The following DLX3 variants were observed in gnomAD, a reference collection of about 807,000 sequenced individuals.
DLX3 encodes homeobox protein DLX-3.
Under a neutral mutation model 28.0 loss-of-function variants are expected in DLX3, and 9 were observed. The observed-to-expected ratio is 0.32, with a 90% confidence interval of 0.19 to 0.56. The LOEUF is 0.56. Among genes scored for constraint, DLX3 ranks in the 20% least tolerant of loss-of-function variants. The pLI, the probability that DLX3 is intolerant of heterozygous loss-of-function variation, is 0.91. For missense variants in DLX3, 313 were observed against 378.2 expected (o/e 0.83, Z 1.43); for synonymous variants, 154 against 167.9 (o/e 0.92, Z 0.64).
rs909460275 is a variant in DLX3, at chr17:49,990,663, G to T, written c.*854C>A. The T allele has an allele frequency of 6.6e-6, 1 of 152,634 alleles. No homozygotes were observed. The highest frequency in any genetic ancestry group is 2.4e-5 in the African/African-American group (1 of 41,428). The allele number at this position is 152,634 out of a possible 1,614,324, so 9.5% of individuals were successfully genotyped here. ...GGAGGAGTAGAGAAGGTGAGGTGGG[G>T]GCAGGGACAGAACAGAGGCACCCTT... On this transcript the variant is annotated 3_prime_UTR_variant, in exon 3 of 3. Coordinates refer to ENST00000434704, the MANE Select transcript of DLX3 (RefSeq NM_005220.3).
chr17:49,994,423 C>G (rs1254107405), intron 1 of DLX3, among the ~76,000 whole-genome samples: 2 of 152,216 alleles, frequency 1.3e-5, no homozygotes, highest in African/African-American at 2.4e-5. Flanking sequence ...CAGCCTTCCC[C>G]TTCCTCTCTC....
At position 49,990,075 on chromosome 17, in the gene DLX3, G is replaced by A. The variant is rs3803876; in HGVS notation, c.*1442C>T. 109,065 of 152,324 alleles carry A rather than the reference G, an allele frequency of 0.72. 41,417 individuals are homozygous for A. The highest frequency in any genetic ancestry group is 0.84 in the Non-Finnish European group (56,964 of 67,952). 9.4% of individuals were successfully genotyped at this position (152,324 alleles called of 1,614,324 possible). A position where few individuals can be genotyped will look rare whatever the true frequency, so the allele number is the denominator to read the frequency against. On this transcript the variant is annotated 3_prime_UTR_variant, in exon 3 of 3. Coordinates refer to ENST00000434704, the MANE Select transcript of DLX3 (RefSeq NM_005220.3). ...GTAAGAAAGCAGAAATGAGAAGGCTGGGAGGGGGTGGGAGATGGCTTTGCT... is the reference window on the plus strand; with the variant it reads ...GTAAGAAAGCAGAAATGAGAAGGCTAGGAGGGGGTGGGAGATGGCTTTGCT...
chr17:49,994,000 TA>T (rs1030037331), intron 1 of DLX3, among the ~76,000 whole-genome samples: 10 of 152,034 alleles, frequency 6.6e-5, no homozygotes, highest in African/African-American at 2.2e-4. Context: ...CCCCGCCCTT[TA>T]AAAAAGTTTC....
rs770481584 is a variant in DLX3 at position 49,991,634 on chromosome 17, G to A, written c.747C>T (p.Asn249=). 1 of 1,613,858 alleles carries A rather than the reference G, an allele frequency of 6.2e-7. No homozygotes were observed. The highest frequency in any genetic ancestry group is 8.5e-7 in the Non-Finnish European group (1 of 1,180,018). ...ASPSYLDDPT[N]SWYHAQNLSG... ...TCAGGTTCTGTGCGTGATACCAGGA[G>A]TTGGTGGGGTCGTCCAGGTAGCTGG... Residue 249 remains asparagine (N), a synonymous_variant, in exon 3 of 3, where the codon AAC becomes AAT. Coordinates refer to ENST00000434704, the MANE Select transcript of DLX3 (RefSeq NM_005220.3).
In DLX3 at chr17:49,994,935, A is replaced by C; in HGVS notation, c.64T>G (p.Cys22Gly). 6.2e-7 allele frequency: 1 copy of C among 1,613,944 alleles called. No individual in the cohort carries two copies. The highest frequency in any genetic ancestry group is 8.5e-7 in the Non-Finnish European group (1 of 1,180,040). Residue 22 changes from cysteine to glycine, a missense_variant, in exon 1 of 3, where the codon TGC becomes GGC. Transcript: ENST00000434704. ...ILTDISSSLSCHAGSKDSPTL... is the reference protein window; with the variant it reads ...ILTDISSSLSGHAGSKDSPTL... ...GGCGAGTCCTTGGAGCCCGCATGGC[A>C]GCTAAGGGAGCTGGAGATGTCGGTG...
chr17:49,991,821 A>C lies in DLX3; in HGVS notation c.560T>G (p.Leu187Arg). 1.2e-6 allele frequency: 2 copies of C among 1,614,016 alleles called. No individual in the cohort carries two copies. Among genetic ancestry groups the C allele is most frequent in the Non-Finnish European group, 1.7e-6 (2 of 1,180,008 alleles). Residue 187 changes from leucine to arginine, a missense_variant, in exon 3 of 3, where the codon CTC (leucine) becomes CGC (arginine). Leu to Arg is a moderately radical substitution (Grantham distance 102). Transcript: ENST00000434704. ...CAGCGGCACCTCCCCGTTCTTGTAGAGTTTCTTGAACTTGGAACGGCGGTT... is the reference window on the plus strand; with the variant it reads ...CAGCGGCACCTCCCCGTTCTTGTAGCGTTTCTTGAACTTGGAACGGCGGTT... Reference protein sequence around the residue: ...FQNRRSKFKKLYKNGEVPLEH... With the variant: ...FQNRRSKFKKRYKNGEVPLEH...
At position 49,992,615 on chromosome 17, in the gene DLX3, T is replaced by C. The variant is rs1051300212; in HGVS notation, c.517-751A>G. On this transcript the variant is annotated intron_variant, in intron 2 of 2. Transcript: ENST00000434704. The stretch of plus-strand genomic sequence containing the variant: ...CCTCCCCCTGCCACTCCCCACCCCA[T>C]GACTGGTACAAACAATGAATCAGCT... Among the ~76,000 whole-genome samples the C allele has an allele frequency of 2.0e-5, 3 of 151,704 alleles. No homozygotes were observed. The East Asian group carries it at 5.9e-4, about 30-fold the overall frequency.
rs778959717 is a variant in DLX3, at chr17:49,991,508, G to A, written c.*9C>T. ...GGTCCTTTGTCAAGGGTGCAGGCCAGATGGGTGCTCAGTACACAGCCCCAG... is the reference window on the plus strand; with the variant it reads ...GGTCCTTTGTCAAGGGTGCAGGCCAAATGGGTGCTCAGTACACAGCCCCAG... On this transcript the variant is annotated 3_prime_UTR_variant, in exon 3 of 3. Coordinates refer to ENST00000434704, the MANE Select transcript of DLX3 (RefSeq NM_005220.3). 1 of 1,595,176 alleles carries A rather than the reference G, an allele frequency of 6.3e-7. No individual in the cohort carries two copies.
Position 49,994,953 on chromosome 17 carries a change from T to C in DLX3, c.46A>G (p.Ile16Val). 6.2e-7 allele frequency: 1 copy of C among 1,613,552 alleles called. No individual in the cohort carries two copies. The stretch of plus-strand genomic sequence containing the variant: ...GCATGGCAGCTAAGGGAGCTGGAGA[T>C]GTCGGTGAGGATGCTGCTGAGCTTG... ...DRKLSSILTD[I>V]SSSLSCHAGS... is the part of the protein sequence containing the mutation. The change falls in exon 1 of 3, where the codon ATC becomes GTC. Residue 16 changes from isoleucine to valine, a missense_variant. Transcript: ENST00000434704.
At chr17:49,993,080 A>G (rs1296378282) in intron 2 of DLX3, among the ~76,000 whole-genome samples, 1 of 151,576 alleles carries the variant, frequency 6.6e-6, no homozygotes, top group Non-Finnish European at 1.5e-5. Context: ...ACATGCACAC[A>G]GACAGTCTGC....
In DLX3 at chr17:49,995,014, A is replaced by T; in HGVS notation, c.-16T>A. 6.2e-7 allele frequency: 1 copy of T among 1,608,150 alleles called. No homozygotes were observed. Reference sequence around the variant, plus strand: ...AGCCACTCATCCTGGCGGGCGCTGCACCTCCCCAGGGCTGGCCTCCGCAGA... The same window carrying T: ...AGCCACTCATCCTGGCGGGCGCTGCTCCTCCCCAGGGCTGGCCTCCGCAGA... On this transcript the variant is annotated 5_prime_UTR_variant, in exon 1 of 3. Coordinates refer to ENST00000434704, the MANE Select transcript of DLX3 (RefSeq NM_005220.3).
In DLX3 at chr17:49,994,694, G is replaced by A. The variant is rs781328319; in HGVS notation, c.305C>T (p.Pro102Leu). Residue 102 changes from proline (P) to leucine (L), a missense_variant, in exon 1 of 3, where the codon CCG becomes CTG. This residue lies in a region of DLX3 where 183 missense variants were observed against 197.7 expected (regional missense o/e 0.93). Transcript: ENST00000434704. ...CTCACCTGGGTCCTGGGCTGGCAGCGGCTGCTCCCGATACGCCCCGTATTG... is the reference window on the plus strand; with the variant it reads ...CTCACCTGGGTCCTGGGCTGGCAGCAGCTGCTCCCGATACGCCCCGTATTG... ...YRQYGAYREQ[P>L]LPAQDPVSVK... 2 of 1,613,946 alleles carry A rather than the reference G, an allele frequency of 1.2e-6. No homozygotes were observed. Among genetic ancestry groups the A allele is most frequent in the Non-Finnish European group, 1.7e-6 (2 of 1,180,020 alleles).
At chr17:49,993,303 G>T in intron 2 of DLX3, 97 bp downstream of exon 2, 1 of 1,304,984 alleles carries the variant, frequency 7.7e-7, no homozygotes, top group South Asian at 1.3e-5. Flanking sequence ...AGTTCCAGGA[G>T]CCCGCAGGGC....
intron 1 of DLX3, among the ~76,000 whole-genome samples, chr17:49,994,313 G>T (rs1042466175): frequency 7.9e-5 from 12 of 151,586 alleles, no homozygotes; most frequent in African/African-American, 2.9e-4. Context: ...AGAGTTTCCA[G>T]CCCCTGCCGC....
intron 1 of DLX3, among the ~76,000 whole-genome samples, chr17:49,993,917 G>A (rs1203114428): frequency 6.6e-6 from 1 of 152,000 alleles, no homozygotes; most frequent in African/African-American, 2.4e-5. Context: ...GCTCCTCGCC[G>A]CCCGGCTGCT....
chr17:49,994,203 G>A (rs1188007571), intron 1 of DLX3, among the ~76,000 whole-genome samples: 1 of 149,620 alleles, frequency 6.7e-6, no homozygotes, highest in African/African-American at 2.5e-5. Flanking sequence ...CTGCCTCTCG[G>A]TGGCTGCTTC....
At chr17:49,994,249 A>C (rs1906201763) in intron 1 of DLX3, among the ~76,000 whole-genome samples, 2 of 143,320 alleles carry the variant, frequency 1.4e-5, no homozygotes, top group Non-Finnish European at 1.5e-5. Flanking sequence ...GGTCCTTCTC[A>C]TTGCCCCCTC....
Position 49,994,748 on chromosome 17 carries a change from G to A in DLX3, c.251C>T (p.Ser84Leu), listed in dbSNP as rs754879050. 3 of 1,614,186 alleles carry A rather than the reference G, an allele frequency of 1.9e-6. No individual in the cohort carries two copies. Among genetic ancestry groups the A allele is most frequent in the South Asian group, 1.1e-5 (1 of 91,066 alleles). The change falls in exon 1 of 3, where the codon TCG becomes TTG. Residue 84 changes from serine (S) to leucine (L), a missense_variant. By Grantham distance (145) the Ser-to-Leu change is moderately radical. This residue lies in a region of DLX3 where 183 missense variants were observed against 197.7 expected (regional missense o/e 0.93). Coordinates refer to ENST00000434704, the MANE Select transcript of DLX3 (RefSeq NM_005220.3). Reference protein sequence around the residue: ...LAGTGAYSPKSEYTYGASYRQ... With the variant: ...LAGTGAYSPKLEYTYGASYRQ... ...GTAGGAGGCTCCGTAGGTATATTCCGACTTGGGCGAGTAAGCGCCCGTGCC... is the reference window on the plus strand; with the variant it reads ...GTAGGAGGCTCCGTAGGTATATTCCAACTTGGGCGAGTAAGCGCCCGTGCC...
rs543871008 is a variant in DLX3 at position 49,995,129 on chromosome 17, G to T, written c.-131C>A. The T allele has an allele frequency of 2.0e-5, 24 of 1,175,116 alleles. No individual in the cohort carries two copies. The highest frequency in any genetic ancestry group is 9.2e-5 in the South Asian group (7 of 76,080). The allele number at this position is 1,175,116 out of a possible 1,614,324, so 72.8% of individuals were successfully genotyped here. A position where few individuals can be genotyped will look rare whatever the true frequency, so the allele number is the denominator to read the frequency against. ...GCGAAGGGAGGACCCGGCCGCGTCT[G>T]GGGGGAGGGGGAGGCCGAGAGGCGC... On this transcript the variant is annotated 5_prime_UTR_variant, in exon 1 of 3. Transcript: ENST00000434704.
Sources: allele counts gnomAD v4.1 joint callset (sites outside exome capture counted in the v4.1 genomes callset), GRCh38; gene constraint gnomAD v4.1.1; regional missense constraint gnomAD v4.1.1; transcripts MANE v1.5; gene names NCBI Gene and HGNC (gene_info 2026-07-23, HGNC 2026-07-21).